The following VPS54 variants were observed in gnomAD, a reference collection of about 807,000 sequenced individuals.
The protein encoded by VPS54 is VPS54 subunit of GARP complex.
A neutral mutation model predicts 121.5 loss-of-function variants in VPS54; 45 were observed. The observed-to-expected ratio is 0.37, with a 90% CI of 0.29 to 0.47. The LOEUF is 0.47. Ranked by LOEUF, VPS54 falls within the 20% of genes least tolerant of loss-of-function variation. VPS54 has a pLI of 0.99. For missense variants in VPS54, 1,090 were observed against 1,131.4 expected, an observed-to-expected ratio of 0.96 and a Z score of 0.52; for synonymous variants, 371 against 385.8, an observed-to-expected ratio of 0.96 and a Z score of 0.45.
At chr2:63,966,175 A>G in intron 5 of VPS54, among the ~76,000 whole-genome samples, 1 of 152,328 alleles carries the variant, frequency 6.6e-6, no homozygotes, top group South Asian at 2.1e-4. Flanking sequence ...AAAAGATACA[A>G]AATGTTTTTT....
intron 3 of VPS54, among the ~76,000 whole-genome samples, chr2:63,973,456 T>C (rs1676379045): frequency 1.3e-5 from 2 of 152,230 alleles, no homozygotes. Context: ...TCTATATCTT[T>C]TTTTGGGAAA....
chr2:63,999,002 G>A (rs369422273), intron 1 of VPS54, among the ~76,000 whole-genome samples: 21 of 151,870 alleles, frequency 1.4e-4, no homozygotes, highest in East Asian at 5.8e-4. Context: ...GCTGGAGTGC[G>A]GTGGCACCAT....
intron 7 of VPS54, among the ~76,000 whole-genome samples, chr2:63,960,204 C>CTCTA (rs1372584289): frequency 6.6e-6 from 1 of 151,960 alleles, no homozygotes; most frequent in Non-Finnish European, 1.5e-5. Context: ...CACCACTGCA[C>CTCTA]TCTAGCCTGG....
At chr2:63,963,738 T>TA (rs1240908076) in intron 6 of VPS54, among the ~76,000 whole-genome samples, 1 of 152,096 alleles carries the variant, frequency 6.6e-6, no homozygotes, top group Non-Finnish European at 1.5e-5. Flanking sequence ...ATTTATTCAC[T>TA]AAAAAAGCAA....
chr2:63,945,791 A>C (rs1279865081), intron 9 of VPS54, among the ~76,000 whole-genome samples: 1 of 152,192 alleles, frequency 6.6e-6, no homozygotes, highest in East Asian at 1.9e-4. Context: ...TCCCAAAAGA[A>C]ATTAGTATTA....
At chr2:63,994,928 TTTTA>T (rs982723257) in intron 1 of VPS54, among the ~76,000 whole-genome samples, 1 of 152,164 alleles carries the variant, frequency 6.6e-6, no homozygotes, top group Admixed American at 6.5e-5. Flanking sequence ...AGGCTACTTA[TTTTA>T]TTTCTTATTG....
chr2:63,921,972 G>C (rs1195874890), intron 12 of VPS54, among the ~76,000 whole-genome samples: 2 of 152,328 alleles, frequency 1.3e-5, no homozygotes, highest in South Asian at 2.1e-4. Context: ...TACAGTGGAA[G>C]CAAGAAGAGG....
intron 22 of VPS54, among the ~76,000 whole-genome samples, chr2:63,894,721 T>C (rs548426575): frequency 4.0e-5 from 6 of 149,986 alleles, no homozygotes; most frequent in African/African-American, 1.5e-4. Flanking sequence ...AAAAAGGTTG[T>C]TTGATGGAAT....
intron 1 of VPS54, among the ~76,000 whole-genome samples, chr2:63,989,075 G>A (rs754913173): frequency 1.2e-4 from 19 of 152,094 alleles, no homozygotes; most frequent in Non-Finnish European, 2.2e-4. Context: ...GATGAAACAC[G>A]CCCTAGTCTC....
At chr2:63,919,854 A>G (rs1349850365) in intron 15 of VPS54, 29 bp downstream of exon 15, 1 of 1,507,336 alleles carries the variant, frequency 6.6e-7, no homozygotes, top group Non-Finnish European at 9.0e-7. Flanking sequence ...TATAAAATTG[A>G]AAGAGAATGT....
chr2:63,942,285 C>A (rs746466669), intron 11 of VPS54, among the ~76,000 whole-genome samples, 180 bp downstream of exon 11: 1 of 151,884 alleles, frequency 6.6e-6, no homozygotes, highest in Non-Finnish European at 1.5e-5. Flanking sequence ...TTATTAAATT[C>A]TTAAAACTGT....
intron 7 of VPS54, among the ~76,000 whole-genome samples, chr2:63,950,696 A>G (rs757777946): frequency 1.3e-5 from 2 of 152,224 alleles, no homozygotes; most frequent in African/African-American, 2.4e-5. Context: ...CTTCATTTGC[A>G]CAAAACAGTA....
intron 12 of VPS54, among the ~76,000 whole-genome samples, chr2:63,927,459 C>T (rs538650687): frequency 6.6e-6 from 1 of 152,266 alleles, no homozygotes; most frequent in Non-Finnish European, 1.5e-5. Flanking sequence ...AAAGGAATAG[C>T]ATCAACATCA....
At chr2:63,946,501 A>G (rs539338989) in intron 9 of VPS54, among the ~76,000 whole-genome samples, 19 of 152,236 alleles carry the variant, frequency 1.2e-4, no homozygotes, top group African/African-American at 4.6e-4. Context: ...ATAGTGTTTT[A>G]ATCAGTGCTT....
At chr2:63,938,144 G>A (rs1487428378) in intron 11 of VPS54, among the ~76,000 whole-genome samples, 1 of 151,586 alleles carries the variant, frequency 6.6e-6, no homozygotes, top group Non-Finnish European at 1.5e-5. Flanking sequence ...GTGGCTGTGT[G>A]TGTGTGCAGA....
At position 63,933,991 on chromosome 2, in the gene VPS54, CTG is replaced by C; in HGVS notation, c.1419_1420del (p.His473GlnfsTer8). On this transcript the variant is annotated frameshift_variant, in exon 12 of 23. Coordinates refer to ENST00000272322, the MANE Select transcript of VPS54 (RefSeq NM_016516.3). LOFTEE classifies it high-confidence loss of function. ...TTTGTCAAGAACTGAGAGAACAACA[CTG>C]TGAATGATATTTAATGTTGCCTACA... The C allele has an allele frequency of 6.2e-7, 1 of 1,612,830 alleles. No individual in the cohort carries two copies. Among genetic ancestry groups the C allele is most frequent in the Non-Finnish European group, 8.5e-7 (1 of 1,179,372 alleles).
At chr2:63,912,508 G>A in intron 19 of VPS54, 32 bp downstream of exon 19, 1 of 1,611,054 alleles carries the variant, frequency 6.2e-7, no homozygotes, top group Non-Finnish European at 8.5e-7. Flanking sequence ...CTAAACTTAT[G>A]AAACGCCAAT....
At chr2:63,921,116 C>A in intron 13 of VPS54, 90 bp downstream of exon 13, 1 of 1,338,878 alleles carries the variant, frequency 7.5e-7, no homozygotes, top group Non-Finnish European at 1.0e-6. Flanking sequence ...ATATAATATG[C>A]ATTATGGGGA....
At chr2:63,999,866 C>T (rs555578292) in intron 1 of VPS54, among the ~76,000 whole-genome samples, 20 of 151,846 alleles carry the variant, frequency 1.3e-4, no homozygotes, top group East Asian at 5.8e-4. Flanking sequence ...GATCAACTGC[C>T]GTTTTTTGTT....
Sources: gnomAD v4.1 joint callset for allele counts (sites outside exome capture counted in the v4.1 genomes callset) on GRCh38, gnomAD v4.1.1 for gene constraint, MANE v1.5 for transcripts, NCBI Gene and HGNC (gene_info 2026-07-23, HGNC 2026-07-21) for gene names.